Variants in HOGA1 observed in about 807,000 individuals in gnomAD.
The protein encoded by HOGA1 is 4-hydroxy-2-oxoglutarate aldolase, mitochondrial.
HOGA1 carries 30 observed loss-of-function variants against 34.3 expected under a neutral mutation model. The observed-to-expected ratio is 0.87, with a 90% CI of 0.65 to 1.19. The LOEUF (loss-of-function observed/expected upper bound fraction) is 1.19, where lower values mean the gene tolerates loss of function less well. Among genes scored for constraint, HOGA1 ranks in the 50% most tolerant of loss-of-function variants. The pLI, the probability that HOGA1 is intolerant of heterozygous loss-of-function variation, is 0.00. For missense variants in HOGA1, 417 were observed against 436.5 expected, an observed-to-expected ratio of 0.96 and a Z score of 0.40; for synonymous variants, 161 against 174.0, an observed-to-expected ratio of 0.93 and a Z score of 0.59.
At chr10:97,590,475 C>T in intron 1 of HOGA1, 4 of 1,613,596 alleles carry the variant, frequency 2.5e-6, no homozygotes, top group African/African-American at 1.3e-5. Flanking sequence ...ATAGCTGGTG[C>T]CAATCACACA....
chr10:97,584,429 T>C lies in HOGA1; in HGVS notation c.-275T>C, dbSNP rs977231340. ...TACCGAAGGAGATACTCTTTAGTAT[T>C]GGGATCCCAGAAACCAGTCCTATAT... On this transcript the variant is annotated 5_prime_UTR_variant, in exon 1 of 7. Coordinates refer to ENST00000370646, the MANE Select transcript of HOGA1 (RefSeq NM_138413.4). 26 of 424,922 alleles carry C rather than the reference T, an allele frequency of 6.1e-5. No individual in the cohort carries two copies. Among genetic ancestry groups the C allele is most frequent in the Admixed American group, 1.6e-4 (4 of 25,504 alleles). 26.3% of individuals were successfully genotyped at this position (424,922 alleles called of 1,614,324 possible).
rs1459563610 is a variant in HOGA1 at position 97,612,158 on chromosome 10, C to T, written c.*499C>T. ...GGGATTACAGGCGCCTGCCACCACG[C>T]CCAGCTAATTTTTGTATTTTTAGCA... On this transcript the variant is annotated 3_prime_UTR_variant, in exon 7 of 7. Coordinates refer to ENST00000370646, the MANE Select transcript of HOGA1 (RefSeq NM_138413.4). The T allele has an allele frequency of 1.9e-5, 3 of 154,872 alleles. No individual in the cohort carries two copies. The highest frequency in any genetic ancestry group is 4.3e-5 in the Non-Finnish European group (3 of 69,978). 9.6% of individuals were successfully genotyped at this position (154,872 alleles called of 1,614,324 possible).
At chr10:97,591,817 T>TGTGTGTG (rs2041026600) in intron 1 of HOGA1, among the ~76,000 whole-genome samples, 3 of 111,056 alleles carry the variant, frequency 2.7e-5, no homozygotes, top group African/African-American at 3.6e-5. Context: ...TTCTTTCATT[T>TGTGTGTG]TGTGTGTGTG....
At chr10:97,604,811 G>A (rs376797507) in intron 6 of HOGA1, among the ~76,000 whole-genome samples, 175 of 152,078 alleles carry the variant, frequency 1.2e-3, no homozygotes, top group East Asian at 5.1e-3. Flanking sequence ...GTGAAACTCC[G>A]TCTCTACTAA....
chr10:97,602,388 A>G (rs1191073724), intron 6 of HOGA1: 9 of 1,192,970 alleles, frequency 7.5e-6, no homozygotes, highest in Non-Finnish European at 8.4e-6. Flanking sequence ...GTCCTGAAAA[A>G]ATAGGAATGA....
At position 97,599,255 on chromosome 10, in the gene HOGA1, A is replaced by G. The variant is rs368716201; in HGVS notation, c.468+39A>G. 69 of 1,613,002 alleles carry G rather than the reference A, an allele frequency of 4.3e-5. No homozygotes were observed. The East Asian group carries it at 9.4e-4, about 22-fold the overall frequency. On this transcript the variant is annotated intron_variant, in intron 3 of 6. Coordinates refer to ENST00000370646, the MANE Select transcript of HOGA1 (RefSeq NM_138413.4). ...CTGAGACCAAGAGGAGGCTCTGCCCAGGGAGAGGAGATAAGGGAAGCTGGG... is the reference window on the plus strand; with the variant it reads ...CTGAGACCAAGAGGAGGCTCTGCCCGGGGAGAGGAGATAAGGGAAGCTGGG...
intron 6 of HOGA1, among the ~76,000 whole-genome samples, chr10:97,608,896 GGGCCTGGCTGCAGTCCCA>G (rs1398880067): frequency 6.6e-6 from 1 of 152,072 alleles, no homozygotes; most frequent in African/African-American, 2.4e-5. Flanking sequence ...AGGGCCTCAT[GGGCCTGGCTGCAGTCCCA>G]GGCTGAGCTA....
rs2041001752 is a variant in HOGA1 at position 97,589,676 on chromosome 10, T to C, written c.211+4762T>C. 3 of 393,956 alleles carry C rather than the reference T, an allele frequency of 7.6e-6. No individual in the cohort carries two copies. The South Asian group carries it at 8.0e-5, about 10-fold the overall frequency. The allele number at this position is 393,956 out of a possible 1,614,324, so 24.4% of individuals were successfully genotyped here. ...CTCACAATGGGGTTCATTGTTGAGGTGGTGGGGGGCACCTAGGGAGGGTGC... is the reference window on the plus strand; with the variant it reads ...CTCACAATGGGGTTCATTGTTGAGGCGGTGGGGGGCACCTAGGGAGGGTGC... On this transcript the variant is annotated intron_variant, in intron 1 of 6. Transcript: ENST00000370646.
chr10:97,601,405 C>T (rs943565099), intron 5 of HOGA1, among the ~76,000 whole-genome samples: 24 of 152,108 alleles, frequency 1.6e-4, no homozygotes, highest in Non-Finnish European at 2.8e-4. Context: ...AGAGTGCTTT[C>T]CATGCCCACT....
At chr10:97,597,942 C>A (rs1472570782) in intron 1 of HOGA1, among the ~76,000 whole-genome samples, 1 of 152,080 alleles carries the variant, frequency 6.6e-6, no homozygotes, top group Middle Eastern at 3.4e-3. Flanking sequence ...AGAGTGAGAC[C>A]CTCAAAGAAA....
At chr10:97,605,164 T>C (rs1375662860) in intron 6 of HOGA1, among the ~76,000 whole-genome samples, 2 of 152,046 alleles carry the variant, frequency 1.3e-5, no homozygotes, top group African/African-American at 4.8e-5. Context: ...ACCCCATCAT[T>C]TTGGGAGGCT....
At chr10:97,611,327 C>T (rs551799338) in intron 6 of HOGA1, among the ~76,000 whole-genome samples, 183 bp from the exon 7 acceptor site, 1 of 152,332 alleles carries the variant, frequency 6.6e-6, no homozygotes, top group South Asian at 2.1e-4. Context: ...TTTGCTATTA[C>T]AGACCTGCTC....
At chr10:97,588,766 A>G (rs1261048339) in intron 1 of HOGA1, among the ~76,000 whole-genome samples, 1 of 152,220 alleles carries the variant, frequency 6.6e-6, no homozygotes, top group South Asian at 2.1e-4. Flanking sequence ...AATATTTTGT[A>G]TATATTAAAA....
intron 4 of HOGA1, 121 bp downstream of exon 4, chr10:97,599,935 G>A: frequency 6.5e-7 from 1 of 1,534,060 alleles, no homozygotes; most frequent in South Asian, 1.1e-5. Context: ...GATTCTCTCT[G>A]TCGTGCGGGC....
chr10:97,594,611 C>T (rs2041054897), intron 1 of HOGA1, among the ~76,000 whole-genome samples: 1 of 151,890 alleles, frequency 6.6e-6, no homozygotes, highest in Non-Finnish European at 1.5e-5. Context: ...CCTCGGCGTC[C>T]CAAAGTGCTG....
chr10:97,607,105 T>TAAAAAA (rs754597119), intron 6 of HOGA1, among the ~76,000 whole-genome samples: 1 of 131,714 alleles, frequency 7.6e-6, no homozygotes, highest in Non-Finnish European at 1.6e-5. Flanking sequence ...CCCCATCTCT[T>TAAAAAA]AAAAAAAAAA....
At chr10:97,590,317 C>A in intron 1 of HOGA1, 2 of 1,613,852 alleles carry the variant, frequency 1.2e-6, no homozygotes, top group Non-Finnish European at 1.7e-6. Context: ...AGGGGCGGCA[C>A]CTGGCTCACT....
chr10:97,592,005 A>T (rs990273869), intron 1 of HOGA1, among the ~76,000 whole-genome samples: 6 of 150,060 alleles, frequency 4.0e-5, no homozygotes, highest in Admixed American at 2.7e-4. Flanking sequence ...TGCCTGGCAA[A>T]TTTTTTTTGT....
intron 1 of HOGA1, among the ~76,000 whole-genome samples, chr10:97,588,980 C>A (rs530476605): frequency 6.6e-6 from 1 of 152,248 alleles, no homozygotes; most frequent in East Asian, 1.9e-4. Flanking sequence ...GCCTGGCCAG[C>A]CAGCCCACCT....
Sources: gnomAD v4.1 joint callset for allele counts (sites outside exome capture counted in the v4.1 genomes callset) on GRCh38, gnomAD v4.1.1 for gene constraint, MANE v1.5 for transcripts, NCBI Gene and HGNC (gene_info 2026-07-23, HGNC 2026-07-21) for gene names.